The following CHRM3 variants were observed in gnomAD, a reference collection of about 807,000 sequenced individuals.
CHRM3 encodes the protein muscarinic acetylcholine receptor M3.
Under a neutral mutation model 41.8 loss-of-function variants are expected in CHRM3, and 11 were observed. The observed-to-expected ratio is 0.26, with a 90% CI of 0.17 to 0.44. The LOEUF (loss-of-function observed/expected upper bound fraction) is 0.44, where lower values mean the gene tolerates loss of function less well. Among genes scored for constraint, CHRM3 ranks in the 20% least tolerant of loss-of-function variants. CHRM3 has a pLI of 1.00. For synonymous variants in CHRM3, 297 were observed against 301.4 expected (o/e 0.99, Z 0.15); for missense variants, 571 against 745.4 (o/e 0.77, Z 2.72).
At chr1:239,579,125 G>A (rs1253323802) in intron 3 of CHRM3, among the ~76,000 whole-genome samples, 1 of 152,196 alleles carries the variant, frequency 6.6e-6, no homozygotes, top group African/African-American at 2.4e-5. Context: ...GAATGATGAA[G>A]TGAGTGAATG....
At chr1:239,866,038 T>G (rs1006921549) in intron 6 of CHRM3, among the ~76,000 whole-genome samples, 1 of 152,126 alleles carries the variant, frequency 6.6e-6, no homozygotes, top group Non-Finnish European at 1.5e-5. Flanking sequence ...CTTTTACTAT[T>G]GTCCCTATTT....
rs67460907 is a variant in CHRM3 at position 239,793,803 on chromosome 1, A to ATTTTTTTTTTT, written c.-146-33434_-146-33424dup. Among the ~76,000 whole-genome samples, 38 of 69,496 alleles carry ATTTTTTTTTTT rather than the reference A, an allele frequency of 5.5e-4. 4 individuals carry two copies. The highest frequency in any genetic ancestry group is 8.1e-4 in the African/African-American group (13 of 16,148). 45.6% of individuals were successfully genotyped at this position (69,496 alleles called of 152,430 possible). A position where few individuals can be genotyped will look rare whatever the true frequency, so the allele number is the denominator to read the frequency against. On this transcript the variant is annotated intron_variant, in intron 5 of 6. Coordinates refer to ENST00000676153, the MANE Select transcript of CHRM3 (RefSeq NM_001375978.1). ...TGAACTTGTCAGAAATGAAATGTGT[A>ATTTTTTTTTTT]TTTTTTTTTTTTTTTTTTTTTTTTT...
intron 1 of CHRM3, among the ~76,000 whole-genome samples, chr1:239,442,321 G>T (rs1353645150): frequency 6.6e-6 from 1 of 151,992 alleles, no homozygotes; most frequent in Non-Finnish European, 1.5e-5. Flanking sequence ...TGGCCAGGCT[G>T]GTCTTGAACC....
chr1:239,667,606 G>A (rs527797865), intron 4 of CHRM3, among the ~76,000 whole-genome samples: 1 of 152,246 alleles, frequency 6.6e-6, no homozygotes, highest in African/African-American at 2.4e-5. Context: ...AAGCTCAAGG[G>A]GGAGAATTAA....
chr1:239,657,397 A>G (rs1672808253), intron 4 of CHRM3, among the ~76,000 whole-genome samples: 1 of 151,206 alleles, frequency 6.6e-6, no homozygotes, highest in Admixed American at 6.6e-5. Context: ...CCTGAAACTG[A>G]GAGAGACCAA....
intron 1 of CHRM3, among the ~76,000 whole-genome samples, chr1:239,462,328 C>A (rs192917630): frequency 6.7e-6 from 1 of 149,838 alleles, no homozygotes; most frequent in East Asian, 1.9e-4. Flanking sequence ...CCAGGTTAGT[C>A]ATATCCACGA....
chr1:239,529,648 A>T (rs1339517299), intron 2 of CHRM3, among the ~76,000 whole-genome samples: 6 of 151,056 alleles, frequency 4.0e-5, no homozygotes, highest in Non-Finnish European at 8.8e-5. Flanking sequence ...AACAACAACA[A>T]TAACAACAAC....
intron 5 of CHRM3, among the ~76,000 whole-genome samples, chr1:239,736,197 T>C (rs1007204958): frequency 1.3e-5 from 2 of 152,130 alleles, no homozygotes; most frequent in African/African-American, 4.8e-5. Flanking sequence ...TATTCATTAT[T>C]GCAGGCAGAT....
intron 1 of CHRM3, among the ~76,000 whole-genome samples, chr1:239,397,070 A>C (rs1179417487): frequency 6.6e-6 from 1 of 152,192 alleles, no homozygotes; most frequent in Admixed American, 6.5e-5. Context: ...TAACAGTAAG[A>C]CACAAATACT....
At chr1:239,542,592 A>G (rs1658889094) in intron 2 of CHRM3, among the ~76,000 whole-genome samples, 1 of 152,138 alleles carries the variant, frequency 6.6e-6, no homozygotes, top group South Asian at 2.1e-4. Context: ...TCTATTTTAG[A>G]GGTGATGCAA....
intron 1 of CHRM3, among the ~76,000 whole-genome samples, chr1:239,437,476 C>T (rs911356425): frequency 6.6e-6 from 1 of 152,216 alleles, no homozygotes; most frequent in African/African-American, 2.4e-5. Flanking sequence ...ACACAATCTG[C>T]TCCCCTGGTG....
intron 6 of CHRM3, among the ~76,000 whole-genome samples, chr1:239,864,079 G>GAAA (rs560580967): frequency 2.1e-4 from 26 of 125,756 alleles, no homozygotes; most frequent in South Asian, 2.6e-4. Flanking sequence ...CTTGATTTAA[G>GAAA]AAAAAAAAAA....
At chr1:239,403,976 GGAGAGAGAGAGAGAGAGA>G (rs531556599) in intron 1 of CHRM3, among the ~76,000 whole-genome samples, 1 of 46,488 alleles carries the variant, frequency 2.2e-5, no homozygotes, top group South Asian at 1.9e-3. Flanking sequence ...AGAGGGAGGG[GGAGAGAGAGAGAGAGAGA>G]GAGAGAGAGA....
intron 3 of CHRM3, among the ~76,000 whole-genome samples, chr1:239,550,059 G>C (rs1244151658): frequency 2.0e-5 from 3 of 151,852 alleles, no homozygotes; most frequent in Non-Finnish European, 4.4e-5. Flanking sequence ...TTCCCAGAGA[G>C]GTTTATGTGA....
In CHRM3 at chr1:239,874,313, A is replaced by ACACAG. The variant is rs774627013; in HGVS notation, c.-19-33120_-19-33119insCACAG. ...TATATATATATATATATATATATATATATATATATATATACACAGTTGACC... is the reference window on the plus strand; with the variant it reads ...TATATATATATATATATATATATATACACAGTATATATATATATACACAGTTGACC... On this transcript the variant is annotated intron_variant, in intron 6 of 6. Coordinates refer to ENST00000676153, the MANE Select transcript of CHRM3 (RefSeq NM_001375978.1). 1.8e-3 allele frequency among the ~76,000 whole-genome samples: 58 copies of ACACAG among 32,700 alleles called. 1 individual carries two copies. The highest frequency in any genetic ancestry group is 0.015 in the East Asian group (8 of 550). 21.5% of individuals were successfully genotyped at this position (32,700 alleles called of 152,430 possible).
intron 5 of CHRM3, chr1:239,707,287 T>C (rs1270880069): frequency 1.3e-5 from 2 of 152,220 alleles, no homozygotes; most frequent in Admixed American, 6.5e-5. Flanking sequence ...TTTAAACATA[T>C]GCTTATGCAC....
At chr1:239,665,599 C>T (rs1042539405) in intron 4 of CHRM3, among the ~76,000 whole-genome samples, 3 of 152,064 alleles carry the variant, frequency 2.0e-5, no homozygotes, top group Admixed American at 2.0e-4. Context: ...TATACACGTG[C>T]CATGGTGGTT....
chr1:239,576,015 A>G (rs367666153), intron 3 of CHRM3, among the ~76,000 whole-genome samples: 2 of 152,070 alleles, frequency 1.3e-5, no homozygotes, highest in Non-Finnish European at 2.9e-5. Context: ...GTTTCTATAC[A>G]TTTGACTACC....
At chr1:239,660,509 T>TA (rs1370859430) in intron 4 of CHRM3, among the ~76,000 whole-genome samples, 4 of 151,970 alleles carry the variant, frequency 2.6e-5, no homozygotes, top group Non-Finnish European at 5.9e-5. Context: ...CTATATATAT[T>TA]AAAAAAAATC....
Sources: gnomAD v4.1 joint callset for allele counts (sites outside exome capture counted in the v4.1 genomes callset) on GRCh38, gnomAD v4.1.1 for gene constraint, MANE v1.5 for transcripts, NCBI Gene and HGNC (gene_info 2026-07-23, HGNC 2026-07-21) for gene names.